Variants in EML1 observed in about 807,000 individuals in gnomAD.
The protein encoded by EML1 is EMAP like 1, also known as echinoderm microtubule-associated protein-like 1.
Under a neutral mutation model 110.4 loss-of-function variants are expected in EML1, and 27 were observed. The observed-to-expected ratio is 0.24, with a 90% confidence interval of 0.18 to 0.34. EML1 has a LOEUF of 0.34. EML1 is among the 10% of genes least tolerant of loss of function. The pLI, the probability that EML1 is intolerant of heterozygous loss-of-function variation, is 1.00. For missense variants in EML1, 741 were observed against 1,030.9 expected, an observed-to-expected ratio of 0.72 and a Z score of 3.85; for synonymous variants, 344 against 385.8, an observed-to-expected ratio of 0.89 and a Z score of 1.27.
chr14:99,930,012 G>A (rs1351690729), intron 17 of EML1, among the ~76,000 whole-genome samples: 5 of 152,144 alleles, frequency 3.3e-5, no homozygotes, highest in East Asian at 1.9e-4. Flanking sequence ...AAGGACCAAC[G>A]AGCCCCCAGC....
At chr14:99,818,505 G>T (rs1359768705) in intron 1 of EML1, among the ~76,000 whole-genome samples, 1 of 152,228 alleles carries the variant, frequency 6.6e-6, no homozygotes, top group African/African-American at 2.4e-5. Context: ...ATTGATGGCT[G>T]CACGGTGGTG....
intron 15 of EML1, among the ~76,000 whole-genome samples, chr14:99,915,932 G>A (rs1353293989): frequency 1.3e-5 from 2 of 152,212 alleles, no homozygotes; most frequent in Non-Finnish European, 2.9e-5. Context: ...TTCACGGAAG[G>A]GGTGCTGGTC....
intron 1 of EML1, among the ~76,000 whole-genome samples, chr14:99,739,622 C>G (rs747652961): frequency 2.6e-5 from 4 of 152,150 alleles, no homozygotes; most frequent in African/African-American, 9.7e-5. Flanking sequence ...TTGGTTTTCC[C>G]ATCTATAGAA....
intron 1 of EML1, among the ~76,000 whole-genome samples, chr14:99,807,236 G>A (rs776909924): frequency 1.8e-4 from 28 of 152,216 alleles, no homozygotes; most frequent in Non-Finnish European, 3.5e-4. Flanking sequence ...CCCAGAGTTG[G>A]AGTGCATAGG....
At chr14:99,911,831 T>C (rs1400508675) in intron 13 of EML1, among the ~76,000 whole-genome samples, 1 of 152,182 alleles carries the variant, frequency 6.6e-6, no homozygotes, top group African/African-American at 2.4e-5. Flanking sequence ...CAAGGGACTG[T>C]TACCCACATT....
chr14:99,804,154 G>A (rs1320104303), intron 1 of EML1, among the ~76,000 whole-genome samples: 1 of 152,158 alleles, frequency 6.6e-6, no homozygotes, highest in Admixed American at 6.5e-5. Flanking sequence ...CTTGAAAATG[G>A]CCTTTTATTG....
At chr14:99,918,897 A>G (rs1470259777) in intron 16 of EML1, among the ~76,000 whole-genome samples, 1 of 152,192 alleles carries the variant, frequency 6.6e-6, no homozygotes, top group Non-Finnish European at 1.5e-5. Context: ...CCTGAGCCTC[A>G]TATTCCAATT....
intron 16 of EML1, among the ~76,000 whole-genome samples, chr14:99,919,147 T>C (rs750036230): frequency 1.3e-5 from 2 of 152,188 alleles, no homozygotes; most frequent in African/African-American, 2.4e-5. Context: ...GTTATTATTA[T>C]CATTGCTTTC....
intron 1 of EML1, among the ~76,000 whole-genome samples, chr14:99,823,308 GTGT>G (rs2139751736): frequency 6.6e-6 from 1 of 152,102 alleles, no homozygotes; most frequent in East Asian, 1.9e-4. Context: ...CACGTGGGTG[GTGT>G]CGGCCTTGCC....
chr14:99,780,718 TTC>T (rs1357038781), intron 1 of EML1, among the ~76,000 whole-genome samples: 1 of 152,176 alleles, frequency 6.6e-6, no homozygotes, highest in Non-Finnish European at 1.5e-5. Flanking sequence ...AATATACCTT[TTC>T]TCTGTTTAGA....
chr14:99,876,201 CCCCAGG>C (rs2059288492), intron 3 of EML1, among the ~76,000 whole-genome samples: 1 of 152,106 alleles, frequency 6.6e-6, no homozygotes, highest in African/African-American at 2.4e-5. Context: ...GAGTGGCCAG[CCCCAGG>C]CAGGAGCTGC....
chr14:99,790,911 G>A (rs1292687762), upstream of EML1, among the ~76,000 whole-genome samples: 1 of 143,268 alleles, frequency 7.0e-6, no homozygotes, highest in Non-Finnish European at 1.5e-5. Context: ...AGGCTGGAGT[G>A]CAGTGGTGTG....
In EML1 at chr14:99,878,340, G is replaced by A. The variant is rs150616523; in HGVS notation, c.384-145G>A. The A allele has an allele frequency of 1.5e-3, 1,784 of 1,219,202 alleles. 3 individuals are homozygous for A. The highest frequency in any genetic ancestry group is 1.8e-3 in the Non-Finnish European group (1,638 of 894,308). The allele number at this position is 1,219,202 out of a possible 1,614,324, so 75.5% of individuals were successfully genotyped here. ...GAGATGTTATTCTATGTGACACTCT[G>A]AAAAGCTTTTTGATCTCCGTTGCTA... On this transcript the variant is annotated intron_variant, in intron 3 of 21. Coordinates refer to ENST00000262233, the MANE Select transcript of EML1 (RefSeq NM_004434.3).
intron 1 of EML1, among the ~76,000 whole-genome samples, chr14:99,754,363 C>T (rs1205499888): frequency 6.6e-6 from 1 of 152,094 alleles, no homozygotes; most frequent in Non-Finnish European, 1.5e-5. Flanking sequence ...CTGCCCCCTG[C>T]CTCCCCCCAC....
At chr14:99,761,898 C>T (rs997161082) in intron 1 of EML1, among the ~76,000 whole-genome samples, 14 of 140,412 alleles carry the variant, frequency 1.0e-4, no homozygotes, top group Non-Finnish European at 1.5e-4. Flanking sequence ...GCACTCCAGC[C>T]TGGGTGACAG....
chr14:99,753,377 C>A (rs1018443527), intron 1 of EML1, among the ~76,000 whole-genome samples: 2 of 151,838 alleles, frequency 1.3e-5, no homozygotes, highest in African/African-American at 4.8e-5. Context: ...GGGGGTCAAG[C>A]GGATCCCTGT....
chr14:99,891,063 GT>G, intron 4 of EML1, 135 bp from the exon 5 acceptor site: 1 of 949,068 alleles, frequency 1.1e-6, no homozygotes, highest in Non-Finnish European at 1.6e-6. Flanking sequence ...AATTGGTGGT[GT>G]TTTTCTTATT....
rs141703023 is a variant in EML1, at chr14:99,745,158, C to T, written c.28+7298C>T. ...TCGGCTCACTGCAACCTCTGCCTCC[C>T]GGGTTTAAGCGATTCTCCTGACTCA... On this transcript the variant is annotated intron_variant, in intron 1 of 10. Coordinates refer to the EML1 transcript ENST00000554479. 5.5e-3 allele frequency among the ~76,000 whole-genome samples: 843 copies of T among 152,188 alleles called. 15 individuals carry two copies. Among genetic ancestry groups the T allele is most frequent in the Admixed American group, 0.035 (528 of 15,276 alleles).
chr14:99,913,414 C>G (rs147874326), intron 13 of EML1, among the ~76,000 whole-genome samples: 2,065 of 151,868 alleles, frequency 0.014, 40 homozygotes, highest in Non-Finnish European at 0.017. Flanking sequence ...TGGGCTCAAG[C>G]AATCCACCTA....
Sources: allele counts gnomAD v4.1 joint callset (sites outside exome capture counted in the v4.1 genomes callset), GRCh38; gene constraint gnomAD v4.1.1; transcripts MANE v1.5; gene names NCBI Gene and HGNC (gene_info 2026-07-23, HGNC 2026-07-21).